The following MDGA2 variants were observed in gnomAD, a reference collection of about 807,000 sequenced individuals.
The protein encoded by MDGA2 is MAM domain-containing glycosylphosphatidylinositol anchor protein 2.
Under a neutral mutation model 117.8 loss-of-function variants are expected in MDGA2, and 40 were observed. That is an observed-to-expected ratio of 0.34 (90% CI 0.26 to 0.44). The LOEUF is 0.44. Ranked by LOEUF, MDGA2 falls within the 20% of genes least tolerant of loss-of-function variation. The probability of loss-of-function intolerance (pLI) is 1.00; values close to 1 mark genes in which losing one functional copy is unlikely to be tolerated. For synonymous variants in MDGA2, 452 were observed against 439.0 expected (o/e 1.03, Z -0.37); for missense variants, 1,123 against 1,250.6 (o/e 0.90, Z 1.54).
chr14:47,642,317 G>A lies in MDGA2; in HGVS notation c.280+32200C>T, dbSNP rs115317507. On this transcript the variant is annotated intron_variant, in intron 1 of 16. Transcript: ENST00000399232. Reference sequence around the variant, plus strand: ...ATTCCCAAGGCACTTAGAAAAGGGCGTGATATATAAATCAGCAGTACATAA... The same window carrying A: ...ATTCCCAAGGCACTTAGAAAAGGGCATGATATATAAATCAGCAGTACATAA... Among the ~76,000 whole-genome samples the A allele has an allele frequency of 1.0e-3, 152 of 152,142 alleles. 1 individual carries two copies. Among genetic ancestry groups the A allele is most frequent in the African/African-American group, 3.4e-3 (142 of 41,548 alleles).
Position 47,612,217 on chromosome 14 carries a change from T to TAGAC in MDGA2, c.280+62299_280+62300insGTCT, listed in dbSNP as rs1469153803. Among the ~76,000 whole-genome samples the TAGAC allele has an allele frequency of 2.0e-5, 3 of 149,212 alleles. 1 individual carries two copies. Among genetic ancestry groups the TAGAC allele is most frequent in the South Asian group, 4.2e-4 (2 of 4,736 alleles). On this transcript the variant is annotated intron_variant, in intron 1 of 16. Coordinates refer to ENST00000399232, the MANE Select transcript of MDGA2 (RefSeq NM_001113498.3). ...ATAGATAGATAGATAGACAGATAGATAGATAGATAGATAGATAGATAGATA... is the reference window on the plus strand; with the variant it reads ...ATAGATAGATAGATAGACAGATAGATAGACAGATAGATAGATAGATAGATAGATA...
At chr14:47,487,159 G>A (rs972654288) in intron 1 of MDGA2, among the ~76,000 whole-genome samples, 2 of 152,036 alleles carry the variant, frequency 1.3e-5, no homozygotes, top group East Asian at 3.9e-4. Context: ...CACAGGACCC[G>A]TTCAAAACAA....
intron 9 of MDGA2, among the ~76,000 whole-genome samples, chr14:46,933,856 T>G (rs1277772036): frequency 9.3e-6 from 1 of 107,570 alleles, no homozygotes. Flanking sequence ...ATATATACTT[T>G]TCTTGGACAA....
At chr14:47,348,249 C>T (rs1055068133) in intron 1 of MDGA2, among the ~76,000 whole-genome samples, 1 of 149,494 alleles carries the variant, frequency 6.7e-6, no homozygotes, top group East Asian at 2.0e-4. Flanking sequence ...TACAGTCTCA[C>T]TCTGGAGCCC....
chr14:47,026,206 G>T (rs993441686), intron 8 of MDGA2, among the ~76,000 whole-genome samples: 1 of 152,106 alleles, frequency 6.6e-6, no homozygotes, highest in East Asian at 1.9e-4. Context: ...TATGAATACT[G>T]CCTGTAGGTG....
chr14:47,561,169 TTGTTTGTTTG>T lies in MDGA2; in HGVS notation c.280+113338_280+113347del, dbSNP rs1379015567. Among the ~76,000 whole-genome samples, 335 of 103,862 alleles carry T rather than the reference TTGTTTGTTTG, an allele frequency of 3.2e-3. 20 individuals are homozygous for T. The highest frequency in any genetic ancestry group is 0.012 in the African/African-American group (322 of 26,790). 68.1% of individuals were successfully genotyped at this position (103,862 alleles called of 152,430 possible). On this transcript the variant is annotated intron_variant, in intron 1 of 16. Coordinates refer to ENST00000399232, the MANE Select transcript of MDGA2 (RefSeq NM_001113498.3). ...TTTTTTTTTGTTTTGTTTTGTTTTT[TTGTTTGTTTG>T]TTTTTTTTTGCTTAGGATTGCCTTA...
chr14:47,343,423 T>C (rs1262534957), intron 1 of MDGA2, among the ~76,000 whole-genome samples: 3 of 152,190 alleles, frequency 2.0e-5, no homozygotes, highest in Non-Finnish European at 2.9e-5. Flanking sequence ...GTTCTTTGTA[T>C]CATGTCACTA....
chr14:47,093,699 AGAGT>A (rs1314795370), intron 6 of MDGA2, among the ~76,000 whole-genome samples: 1 of 152,126 alleles, frequency 6.6e-6, no homozygotes, highest in African/African-American at 2.4e-5. Context: ...TTATCTACAT[AGAGT>A]GTTATCTCCA....
At chr14:47,099,089 A>G (rs1199628399) in intron 5 of MDGA2, among the ~76,000 whole-genome samples, 1 of 151,908 alleles carries the variant, frequency 6.6e-6, no homozygotes, top group African/African-American at 2.4e-5. Flanking sequence ...TGATGGTGGC[A>G]CTTATTTTAT....
Position 47,661,838 on chromosome 14 carries a change from G to A in MDGA2, c.280+12679C>T, listed in dbSNP as rs529487037. Among the ~76,000 whole-genome samples, 6 of 143,718 alleles carry A rather than the reference G, an allele frequency of 4.2e-5. No homozygotes were observed. The South Asian group carries it at 1.2e-3, about 29-fold the overall frequency. The allele number at this position is 143,718 out of a possible 152,430, so 94.3% of individuals were successfully genotyped here. A position where few individuals can be genotyped will look rare whatever the true frequency, so the allele number is the denominator to read the frequency against. ...GCAACCTCTGCCTCTCAGGTTCAAG[G>A]GATTCTCCCGCCTCAGCCTCCCAAG... On this transcript the variant is annotated intron_variant, in intron 1 of 16. Transcript: ENST00000399232.
intron 1 of MDGA2, among the ~76,000 whole-genome samples, chr14:47,390,650 C>T (rs955018374): frequency 1.3e-5 from 2 of 152,272 alleles, no homozygotes; most frequent in African/African-American, 4.8e-5. Flanking sequence ...TGATTTCTTT[C>T]TATCTTCGCA....
intron 1 of MDGA2, among the ~76,000 whole-genome samples, chr14:47,404,230 G>T (rs1322950707): frequency 6.6e-6 from 1 of 150,874 alleles, no homozygotes; most frequent in Non-Finnish European, 1.5e-5. Context: ...CTTTCACCCA[G>T]GCTGGAGTAC....
intron 1 of MDGA2, among the ~76,000 whole-genome samples, chr14:47,342,660 A>C (rs1890664765): frequency 6.6e-6 from 1 of 152,174 alleles, no homozygotes; most frequent in Admixed American, 6.5e-5. Flanking sequence ...AATAATGCGT[A>C]GTCTTGTGAA....
chr14:46,911,787 T>TA (rs1161822791), intron 10 of MDGA2, among the ~76,000 whole-genome samples: 1 of 152,184 alleles, frequency 6.6e-6, no homozygotes, highest in Non-Finnish European at 1.5e-5. Context: ...CTTATAATAT[T>TA]AAACATAAAA....
chr14:46,885,343 C>A (rs1288898565), intron 10 of MDGA2, among the ~76,000 whole-genome samples: 2 of 151,992 alleles, frequency 1.3e-5, no homozygotes, highest in Non-Finnish European at 2.9e-5. Flanking sequence ...TTAATATACA[C>A]AATTAACTAG....
rs1229087354 is a variant in MDGA2 at position 46,957,368 on chromosome 14, T to C, written c.2089+6A>G. ...ATGTATAAAAAGAAAATATCTGGAA[T>C]CCTACCTGTAACAAGAAAGCTGCAT... is the stretch of plus-strand genomic sequence containing the variant. On this transcript the variant is annotated splice_donor_region_variant and intron_variant, in intron 9 of 16. Transcript: ENST00000399232. 2 of 1,610,740 alleles carry C rather than the reference T, an allele frequency of 1.2e-6. No homozygotes were observed. Among genetic ancestry groups the C allele is most frequent in the Non-Finnish European group, 8.5e-7 (1 of 1,178,204 alleles).
chr14:47,551,690 G>A (rs973073651), intron 1 of MDGA2, among the ~76,000 whole-genome samples: 7 of 152,098 alleles, frequency 4.6e-5, no homozygotes, highest in African/African-American at 1.4e-4. Flanking sequence ...TGCAAAGCCA[G>A]GTCTCCCAAG....
At chr14:47,091,158 C>G (rs1879631892) in intron 6 of MDGA2, among the ~76,000 whole-genome samples, 1 of 152,078 alleles carries the variant, frequency 6.6e-6, no homozygotes, top group Admixed American at 6.6e-5. Flanking sequence ...TGCTTAACAT[C>G]ATTTAATACT....
chr14:47,414,049 T>C (rs997780811), intron 1 of MDGA2, among the ~76,000 whole-genome samples: 1 of 152,108 alleles, frequency 6.6e-6, no homozygotes, highest in African/African-American at 2.4e-5. Context: ...GATAACTAGC[T>C]TTTCTTAAGG....
Sources: allele counts gnomAD v4.1 joint callset (sites outside exome capture counted in the v4.1 genomes callset), GRCh38; gene constraint gnomAD v4.1.1; transcripts MANE v1.5; gene names NCBI Gene and HGNC (gene_info 2026-07-23, HGNC 2026-07-21).